AJAP1: variants seen among roughly 807,000 people sequenced by gnomAD.
AJAP1 encodes adherens junction-associated protein 1.
AJAP1 carries 5 observed loss-of-function variants against 35.0 expected under a neutral mutation model. The observed-to-expected ratio is 0.14, with a 90% CI of 0.07 to 0.30. The LOEUF (loss-of-function observed/expected upper bound fraction) is 0.30. Ranked by LOEUF, AJAP1 falls within the 10% of genes least tolerant of loss-of-function variation. The probability of loss-of-function intolerance (pLI) is 1.00; values close to 1 mark genes in which losing one functional copy is unlikely to be tolerated. For synonymous variants in AJAP1, 284 were observed against 249.3 expected (o/e 1.14, Z -1.31); for missense variants, 586 against 571.0 (o/e 1.03, Z -0.27).
chr1:4,663,290 T>C (rs906684143), intron 1 of AJAP1, among the ~76,000 whole-genome samples: 5 of 151,864 alleles, frequency 3.3e-5, no homozygotes, highest in Non-Finnish European at 5.9e-5. Flanking sequence ...GGCATCATGT[T>C]TGATGGATGA....
chr1:4,709,755 C>T (rs1158381575), intron 1 of AJAP1, among the ~76,000 whole-genome samples: 1 of 152,212 alleles, frequency 6.6e-6, no homozygotes, highest in Non-Finnish European at 1.5e-5. Flanking sequence ...TGCACACCAG[C>T]AGAAACACCG....
chr1:4,739,405 GTTGGCAATGCATTTGGAA>G (rs1381719210), intron 2 of AJAP1, among the ~76,000 whole-genome samples: 1 of 152,208 alleles, frequency 6.6e-6, no homozygotes, highest in Non-Finnish European at 1.5e-5. Context: ...GAAGCCCACT[GTTGGCAATGCATTTGGAA>G]TGCAGTCCAC....
intron 2 of AJAP1, among the ~76,000 whole-genome samples, chr1:4,724,790 C>T (rs4554693): frequency 0.14 from 21,285 of 152,110 alleles, 2,716 homozygotes; most frequent in African/African-American, 0.34. Context: ...CTGCAGGGAA[C>T]GGGTTCCTAA....
At chr1:4,710,964 G>A (rs1363213738) in intron 1 of AJAP1, among the ~76,000 whole-genome samples, 1 of 152,196 alleles carries the variant, frequency 6.6e-6, no homozygotes, top group East Asian at 1.9e-4. Flanking sequence ...GCCCCGCTGC[G>A]TGGAGAGGCA....
chr1:4,776,971 G>A (rs1228352990), intron 5 of AJAP1, among the ~76,000 whole-genome samples: 1 of 152,236 alleles, frequency 6.6e-6, no homozygotes, highest in Non-Finnish European at 1.5e-5. Flanking sequence ...GTGGCCTCCT[G>A]AAGTAGCTGT....
At chr1:4,673,732 C>T (rs532951849) in intron 1 of AJAP1, among the ~76,000 whole-genome samples, 12 of 152,236 alleles carry the variant, frequency 7.9e-5, no homozygotes, top group East Asian at 7.7e-4. Context: ...CAGATGAGGG[C>T]GAGTCCTGGC....
chr1:4,749,404 A>G (rs1339621950), intron 2 of AJAP1, among the ~76,000 whole-genome samples: 1 of 152,116 alleles, frequency 6.6e-6, no homozygotes, highest in Non-Finnish European at 1.5e-5. Context: ...CCTGTCACCC[A>G]TGGGGTTTCT....
intron 1 of AJAP1, among the ~76,000 whole-genome samples, chr1:4,680,300 C>T (rs1405625772): frequency 6.6e-6 from 1 of 152,204 alleles, no homozygotes; most frequent in Non-Finnish European, 1.5e-5. Context: ...GTAGCCCAGT[C>T]AAGTTGACAA....
intron 3 of AJAP1, 51 bp downstream of exon 3, chr1:4,769,991 C>T (rs1237199400): frequency 2.0e-6 from 3 of 1,502,330 alleles, no homozygotes; most frequent in Middle Eastern, 1.7e-4. Flanking sequence ...TACCGGGGTC[C>T]CTGGGTGGTG....
intron 5 of AJAP1, among the ~76,000 whole-genome samples, chr1:4,778,824 C>T (rs1641991194): frequency 6.6e-6 from 1 of 152,168 alleles, no homozygotes; most frequent in Non-Finnish European, 1.5e-5. Context: ...GAGGTTGTTT[C>T]ATGCCATTAG....
rs1638889502 is a variant in AJAP1 at position 4,656,710 on chromosome 1, T to C, written c.29+1256T>C. On this transcript the variant is annotated intron_variant, in intron 1 of 5. Coordinates refer to ENST00000378191, the MANE Select transcript of AJAP1 (RefSeq NM_018836.4). This position sits in a 1 kb window ranked among gnomAD's most constrained non-coding sequence, Gnocchi z 5.7. ...TACTGTGTAACACATCTAGTGAACA[T>C]TGTCAGATGTTATTATTAGCATCCC... is the stretch of plus-strand genomic sequence containing the variant. Among the ~76,000 whole-genome samples the C allele has an allele frequency of 6.6e-6, 1 of 152,138 alleles. No individual in the cohort carries two copies. The highest frequency in any genetic ancestry group is 1.5e-5 in the Non-Finnish European group (1 of 68,018).
chr1:4,729,167 C>T (rs935502580), intron 2 of AJAP1, among the ~76,000 whole-genome samples: 1 of 152,256 alleles, frequency 6.6e-6, no homozygotes, highest in South Asian at 2.1e-4. Context: ...ACAGCCTACA[C>T]AGCATCCATG....
At chr1:4,722,195 G>A (rs1027405778) in intron 2 of AJAP1, among the ~76,000 whole-genome samples, 1 of 152,334 alleles carries the variant, frequency 6.6e-6, no homozygotes, top group African/African-American at 2.4e-5. Context: ...GAACTTCAGC[G>A]TGTTCCAGCC....
rs1305584591 is a variant in AJAP1 at position 4,786,394 on chromosome 1, ACCC to A, written c.*3911_*3913del. On this transcript the variant is annotated 3_prime_UTR_variant, in exon 6 of 6. Coordinates refer to ENST00000378191, the MANE Select transcript of AJAP1 (RefSeq NM_018836.4). ...ATTAGAAACCTGAACTCATCAGCAAACCCCACCCACTCTTTGAATCGGGACACC... is the reference window on the plus strand; with the variant it reads ...ATTAGAAACCTGAACTCATCAGCAAACACCCACTCTTTGAATCGGGACACC... 6.6e-6 allele frequency: 1 copy of A among 152,002 alleles called. No homozygotes were observed. Among genetic ancestry groups the A allele is most frequent in the African/African-American group, 2.4e-5 (1 of 41,376 alleles). 9.4% of individuals were successfully genotyped at this position (152,002 alleles called of 1,614,324 possible).
intron 2 of AJAP1, among the ~76,000 whole-genome samples, chr1:4,737,782 G>A (rs1049790432): frequency 1.3e-5 from 2 of 152,124 alleles, no homozygotes; most frequent in Admixed American, 6.6e-5. Context: ...TGCACCTGTG[G>A]TCCCAGCTAC....
intron 1 of AJAP1, among the ~76,000 whole-genome samples, chr1:4,677,034 G>A (rs1639377091): frequency 6.6e-6 from 1 of 152,316 alleles, no homozygotes; most frequent in East Asian, 1.9e-4. Flanking sequence ...GCGTGTGCCT[G>A]TAATCTCAGG....
chr1:4,707,963 G>GTTTT (rs774086340), intron 1 of AJAP1, among the ~76,000 whole-genome samples: 3 of 126,158 alleles, frequency 2.4e-5, no homozygotes, highest in African/African-American at 8.8e-5. Context: ...TGGGCGGTAC[G>GTTTT]TTTTTTTTTT....
rs1570241871 is a variant in AJAP1, at chr1:4,787,434, A to G, written c.*4949A>G. On this transcript the variant is annotated 3_prime_UTR_variant, in exon 6 of 6. Coordinates refer to ENST00000378191, the MANE Select transcript of AJAP1 (RefSeq NM_018836.4). ...GCGACCCATCACCTACTGGAAAATT[A>G]CCACTTGCTGCTTGAGGGTTGGTCT... is the stretch of plus-strand genomic sequence containing the variant. The G allele has an allele frequency of 3.5e-6, 1 of 289,672 alleles. No homozygotes were observed. The highest frequency in any genetic ancestry group is 2.7e-5 in the South Asian group (1 of 36,364). 17.9% of individuals were successfully genotyped at this position (289,672 alleles called of 1,614,324 possible). A position where few individuals can be genotyped will look rare whatever the true frequency, so the allele number is the denominator to read the frequency against.
chr1:4,788,267 T>G lies in AJAP1; in HGVS notation c.*5782T>G, dbSNP rs530401516. ...CCTTCCTTCCAAAGAGCATGAAGCA[T>G]GGCTCTGTGTGGTTTTGTGTGTCTA... On this transcript the variant is annotated 3_prime_UTR_variant, in exon 6 of 6. Transcript: ENST00000378191. The G allele has an allele frequency of 4.7e-4, 74 of 156,902 alleles. No homozygotes were observed. Among genetic ancestry groups the G allele is most frequent in the Non-Finnish European group, 8.7e-4 (62 of 71,056 alleles). The allele number at this position is 156,902 out of a possible 1,614,324, so 9.7% of individuals were successfully genotyped here.
Sources: gnomAD v4.1 joint callset for allele counts (sites outside exome capture counted in the v4.1 genomes callset) on GRCh38, gnomAD v4.1.1 for gene constraint, Gnocchi (gnomAD v3.1) non-coding constraint, MANE v1.5 for transcripts, NCBI Gene and HGNC (gene_info 2026-07-23, HGNC 2026-07-21) for gene names.